Variants in PTPRK observed in about 807,000 individuals in gnomAD.
The protein encoded by PTPRK is receptor-type tyrosine-protein phosphatase kappa.
In PTPRK, 75 loss-of-function variants were observed where a neutral mutation model predicts 178.0. The observed-to-expected ratio is 0.42, with a 90% confidence interval of 0.35 to 0.51. PTPRK has a LOEUF of 0.51. Among genes scored for constraint, PTPRK ranks in the 20% least tolerant of loss-of-function variants. The pLI, the probability that PTPRK is intolerant of heterozygous loss-of-function variation, is 0.02. For missense variants in PTPRK, 1,441 were observed against 1,797.8 expected (o/e 0.80, Z 3.59); for synonymous variants, 637 against 620.6 (o/e 1.03, Z -0.39).
chr6:128,237,140 A>G (rs1215639429), intron 5 of PTPRK, among the ~76,000 whole-genome samples: 1 of 152,248 alleles, frequency 6.6e-6, no homozygotes, highest in African/African-American at 2.4e-5. Context: ...GAGTTATAGT[A>G]TATCATTTTT....
rs2114929957 is a variant in PTPRK, at chr6:128,064,804, TA to T, written c.2158-11del. ...ACTGGGTTTTAGTTTCCTGATAGAG[TA>T]AAAATGAAAAAAAAAAGAGTCAATG... On this transcript the variant is annotated splice_polypyrimidine_tract_variant and intron_variant, in intron 12 of 29. Transcript: ENST00000368226. 6.4e-7 allele frequency: 1 copy of T among 1,563,250 alleles called. No homozygotes were observed. The highest frequency in any genetic ancestry group is 2.1e-5 in the Admixed American group (1 of 46,946).
chr6:128,133,771 T>G (rs1021098748), intron 7 of PTPRK, among the ~76,000 whole-genome samples: 5 of 151,912 alleles, frequency 3.3e-5, no homozygotes, highest in Non-Finnish European at 5.9e-5. Context: ...CAGGCTGTTC[T>G]CGAACTCTTG....
At chr6:128,097,710 C>T (rs1465243904) in intron 7 of PTPRK, among the ~76,000 whole-genome samples, 1 of 152,092 alleles carries the variant, frequency 6.6e-6, no homozygotes, top group Non-Finnish European at 1.5e-5. Context: ...ATCACATTCA[C>T]ATGTTATTTA....
intron 2 of PTPRK, among the ~76,000 whole-genome samples, chr6:128,384,228 T>C (rs1054192798): frequency 1.3e-5 from 2 of 152,186 alleles, no homozygotes; most frequent in African/African-American, 4.8e-5. Flanking sequence ...ATAGATATGT[T>C]CCACACGCAC....
intron 21 of PTPRK, among the ~76,000 whole-genome samples, chr6:127,988,658 A>AT (rs772461439): frequency 1.3e-5 from 2 of 152,018 alleles, no homozygotes; most frequent in Non-Finnish European, 2.9e-5. Context: ...TATACATAAT[A>AT]TTTTCCATAG....
chr6:128,024,703 G>T (rs1161340629), intron 13 of PTPRK, among the ~76,000 whole-genome samples: 1 of 152,052 alleles, frequency 6.6e-6, no homozygotes, highest in Non-Finnish European at 1.5e-5. Flanking sequence ...CCAGCTACCT[G>T]GGAGGCTGAG....
At chr6:128,251,337 G>T (rs539534962) in intron 3 of PTPRK, among the ~76,000 whole-genome samples, 1 of 152,108 alleles carries the variant, frequency 6.6e-6, no homozygotes, top group Non-Finnish European at 1.5e-5. Flanking sequence ...AACTAAATAT[G>T]GAAGGCAATT....
At chr6:128,197,652 A>T (rs542072334) in intron 6 of PTPRK, among the ~76,000 whole-genome samples, 3 of 152,234 alleles carry the variant, frequency 2.0e-5, no homozygotes, top group Admixed American at 1.3e-4. Context: ...TGCTCTCTAA[A>T]CCAAGGTGTC....
chr6:128,435,054 A>C (rs12530216), intron 1 of PTPRK, among the ~76,000 whole-genome samples: 6,819 of 57,788 alleles, frequency 0.12, 191 homozygotes, highest in African/African-American at 0.19. Context: ...GGCAGGAAGG[A>C]AGGAAGGAAG....
chr6:128,081,042 G>T (rs1453722291), intron 10 of PTPRK, among the ~76,000 whole-genome samples: 1 of 151,792 alleles, frequency 6.6e-6, no homozygotes, highest in Non-Finnish European at 1.5e-5. Context: ...AACATTTATG[G>T]CTCTCAAAAA....
intron 2 of PTPRK, among the ~76,000 whole-genome samples, chr6:128,364,117 C>CA (rs891996665): frequency 3.1e-4 from 47 of 151,168 alleles, no homozygotes; most frequent in Non-Finnish European, 5.0e-4. Context: ...AGCCATTTAT[C>CA]AAAAAAAATA....
At chr6:128,223,125 A>T (rs572936302) in intron 5 of PTPRK, among the ~76,000 whole-genome samples, 2 of 152,202 alleles carry the variant, frequency 1.3e-5, no homozygotes, top group East Asian at 3.9e-4. Context: ...TACTGAAATC[A>T]TTCTGAAGGT....
chr6:128,002,777 T>C (rs1777988736), intron 15 of PTPRK, among the ~76,000 whole-genome samples: 1 of 152,050 alleles, frequency 6.6e-6, no homozygotes, highest in African/African-American at 2.4e-5. Flanking sequence ...TAATATTTAC[T>C]TGTAAATTTG....
intron 1 of PTPRK, among the ~76,000 whole-genome samples, chr6:128,506,454 T>G (rs980896991): frequency 2.6e-5 from 4 of 151,854 alleles, no homozygotes; most frequent in Non-Finnish European, 4.4e-5. Context: ...TCCAAAGATG[T>G]TGGGTAGGTT....
At chr6:128,450,203 T>C (rs1449182471) in intron 1 of PTPRK, among the ~76,000 whole-genome samples, 1 of 152,044 alleles carries the variant, frequency 6.6e-6, no homozygotes, top group South Asian at 2.1e-4. Context: ...TGGAGAAAAG[T>C]ATGCCACCTG....
chr6:128,013,975 G>A (rs1254360557), intron 13 of PTPRK, among the ~76,000 whole-genome samples: 1 of 151,448 alleles, frequency 6.6e-6, no homozygotes, highest in Non-Finnish European at 1.5e-5. Context: ...TTAAGGTAAA[G>A]CCCATGAAAG....
chr6:128,240,383 G>C (rs1290471745), intron 4 of PTPRK, among the ~76,000 whole-genome samples: 1 of 152,062 alleles, frequency 6.6e-6, no homozygotes, highest in African/African-American at 2.4e-5. Flanking sequence ...AATTGCTGGA[G>C]TATTGTTCTC....
intron 1 of PTPRK, among the ~76,000 whole-genome samples, chr6:128,474,365 A>G (rs1318224984): frequency 6.6e-6 from 1 of 152,006 alleles, no homozygotes; most frequent in Admixed American, 6.6e-5. Context: ...TGTGTCCTAG[A>G]AAACACTACA....
chr6:128,231,424 C>A (rs1484929170), intron 5 of PTPRK, among the ~76,000 whole-genome samples: 1 of 152,182 alleles, frequency 6.6e-6, no homozygotes. Flanking sequence ...TACTATTCAT[C>A]TATCAGCTAA....
Sources: allele counts gnomAD v4.1 joint callset (sites outside exome capture counted in the v4.1 genomes callset), GRCh38; gene constraint gnomAD v4.1.1; transcripts MANE v1.5; gene names NCBI Gene and HGNC (gene_info 2026-07-23, HGNC 2026-07-21).